The following EYA1 variants were observed in gnomAD, a reference collection of about 807,000 sequenced individuals.
EYA1 encodes the protein protein phosphatase EYA1.
A neutral mutation model predicts 82.0 loss-of-function variants in EYA1; 16 were observed. That is an observed-to-expected ratio of 0.20 (90% CI 0.13 to 0.30). The LOEUF (loss-of-function observed/expected upper bound fraction) is 0.30. Among genes scored for constraint, EYA1 ranks in the 10% least tolerant of loss-of-function variants. The pLI is 1.00. For synonymous variants in EYA1, 261 were observed against 264.4 expected, an observed-to-expected ratio of 0.99 and a Z score of 0.12; for missense variants, 633 against 730.7, an observed-to-expected ratio of 0.87 and a Z score of 1.54.
chr8:71,262,818 T>G (rs1815297613), intron 11 of EYA1, among the ~76,000 whole-genome samples: 1 of 152,182 alleles, frequency 6.6e-6, no homozygotes, highest in South Asian at 2.1e-4. Context: ...GGCTGGCATT[T>G]GAAAAAATGT....
In EYA1 at chr8:71,358,552, G is replaced by A. The variant is rs560176280; in HGVS notation, c.-54-2041C>T. Reference sequence around the variant, plus strand: ...TAGGCTGGTCAGCTGAATCCACATCGTGGTCCAGGAAAAATAAATCTACTC... The same window carrying A: ...TAGGCTGGTCAGCTGAATCCACATCATGGTCCAGGAAAAATAAATCTACTC... On this transcript the variant is annotated intron_variant, in intron 1 of 17. Transcript: ENST00000340726. Among the ~76,000 whole-genome samples, 9 of 152,254 alleles carry A rather than the reference G, an allele frequency of 5.9e-5. No homozygotes were observed. In the South Asian group the frequency reaches 1.7e-3, roughly 28 times the overall value.
chr8:71,446,500 T>G (rs569489634), intron 2 of EYA1, among the ~76,000 whole-genome samples: 1 of 152,210 alleles, frequency 6.6e-6, no homozygotes, highest in Non-Finnish European at 1.5e-5. Context: ...TCCTGGGTAG[T>G]ATCTTCATAG....
chr8:71,392,191 C>T (rs1280355038), intron 2 of EYA1, among the ~76,000 whole-genome samples: 5 of 152,094 alleles, frequency 3.3e-5, no homozygotes, highest in African/African-American at 1.2e-4. Context: ...CCACAGCTTC[C>T]CCAGTGGAGC....
chr8:71,323,502 A>G (rs1822815526), intron 4 of EYA1, among the ~76,000 whole-genome samples: 2 of 152,208 alleles, frequency 1.3e-5, no homozygotes, highest in African/African-American at 4.8e-5. Context: ...ATTGGACTAG[A>G]GTCTTCAAAT....
chr8:71,294,914 G>C (rs1175529423), intron 9 of EYA1, among the ~76,000 whole-genome samples: 3 of 152,180 alleles, frequency 2.0e-5, no homozygotes, highest in South Asian at 2.1e-4. Context: ...GAACAGAAGA[G>C]AGAGCCCTGA....
chr8:71,385,013 A>T (rs924016781), intron 2 of EYA1, among the ~76,000 whole-genome samples: 1 of 151,808 alleles, frequency 6.6e-6, no homozygotes, highest in African/African-American at 2.4e-5. Context: ...GATTTTTTTT[A>T]TTTTTTATTT....
intron 2 of EYA1, among the ~76,000 whole-genome samples, chr8:71,398,601 AAGAACAGCAAATATTGC>A (rs1829770853): frequency 6.6e-6 from 1 of 152,202 alleles, no homozygotes; most frequent in South Asian, 2.1e-4. Flanking sequence ...GTGGAGGCTG[AAGAACAGCAAATATTGC>A]AGAACAGCAA....
intron 12 of EYA1, 80 bp from the exon 13 acceptor site, chr8:71,217,103 T>C (rs1238447383): frequency 1.9e-6 from 2 of 1,079,294 alleles, no homozygotes; most frequent in Non-Finnish European, 2.9e-6. Context: ...AAACCATACA[T>C]ATTTTTTAAA....
intron 3 of EYA1, among the ~76,000 whole-genome samples, chr8:71,347,084 T>C (rs1333142028): frequency 6.6e-6 from 1 of 152,196 alleles, no homozygotes; most frequent in Non-Finnish European, 1.5e-5. Context: ...TAAGGTAACA[T>C]AAACACTTCT....
chr8:71,318,959 A>G (rs982459734), intron 6 of EYA1, among the ~76,000 whole-genome samples: 1 of 152,132 alleles, frequency 6.6e-6, no homozygotes, highest in Non-Finnish European at 1.5e-5. Flanking sequence ...TAACCCACAC[A>G]TAGAAATGGT....
intron 4 of EYA1, among the ~76,000 whole-genome samples, chr8:71,327,561 T>C (rs897859772): frequency 1.3e-5 from 2 of 152,198 alleles, no homozygotes; most frequent in Non-Finnish European, 2.9e-5. Context: ...CACTTTACGA[T>C]ATTTGGAAAC....
At chr8:71,470,677 G>T (rs1193580733) in intron 2 of EYA1, among the ~76,000 whole-genome samples, 1 of 151,916 alleles carries the variant, frequency 6.6e-6, no homozygotes, top group Non-Finnish European at 1.5e-5. Flanking sequence ...ATATAGAAAA[G>T]ATCAATCATG....
At chr8:71,334,215 T>C in intron 3 of EYA1, 41 bp from the exon 4 acceptor site, 1 of 1,387,170 alleles carries the variant, frequency 7.2e-7, no homozygotes, top group Admixed American at 1.7e-5. Context: ...GAATTAATAG[T>C]TATTTGTAAA....
rs113861605 is a variant in EYA1 at position 71,250,274 on chromosome 8, A to G, written c.1051-5582T>C. Among the ~76,000 whole-genome samples the G allele has an allele frequency of 8.8e-3, 1,335 of 152,302 alleles. 22 individuals are homozygous for G. Among genetic ancestry groups the G allele is most frequent in the African/African-American group, 0.029 (1,213 of 41,562 alleles). ...GTCTTGATCATGAAATCCTTTCCTC[A>G]AAACACAACTAGGCAGAGGCCTAAA... is the stretch of plus-strand genomic sequence containing the variant. On this transcript the variant is annotated intron_variant, in intron 11 of 17. Coordinates refer to ENST00000340726, the MANE Select transcript of EYA1 (RefSeq NM_000503.6).
At chr8:71,245,276 G>A (rs191238235) in intron 11 of EYA1, among the ~76,000 whole-genome samples, 210 of 152,104 alleles carry the variant, frequency 1.4e-3, no homozygotes, top group African/African-American at 4.7e-3. Flanking sequence ...ACCCAGGCTG[G>A]AGTACATTGG....
At chr8:71,386,925 G>A (rs1198919417) in intron 2 of EYA1, among the ~76,000 whole-genome samples, 9 of 152,164 alleles carry the variant, frequency 5.9e-5, no homozygotes, top group Admixed American at 5.9e-4. Context: ...CTTGCTGACT[G>A]TAGCTTTGTG....
chr8:71,407,514 G>C (rs565928921), intron 2 of EYA1, among the ~76,000 whole-genome samples: 3 of 147,278 alleles, frequency 2.0e-5, no homozygotes, highest in African/African-American at 7.6e-5. Flanking sequence ...AACCAATACA[G>C]AGAAGTGCTT....
intron 2 of EYA1, among the ~76,000 whole-genome samples, chr8:71,367,647 C>T (rs1408188627): frequency 4.0e-5 from 6 of 151,798 alleles, no homozygotes; most frequent in African/African-American, 9.7e-5. Flanking sequence ...GCACTGCAAT[C>T]GCATTGCTAT....
intron 11 of EYA1, among the ~76,000 whole-genome samples, chr8:71,253,596 G>A (rs1037972738): frequency 6.6e-5 from 10 of 152,104 alleles, no homozygotes; most frequent in African/African-American, 2.2e-4. Flanking sequence ...ACTACCCGTA[G>A]AGCAAATGTC....
Sources: allele counts gnomAD v4.1 joint callset (sites outside exome capture counted in the v4.1 genomes callset), GRCh38; gene constraint gnomAD v4.1.1; transcripts MANE v1.5; gene names NCBI Gene and HGNC (gene_info 2026-07-23, HGNC 2026-07-21).